The following MRRF variants were observed in gnomAD, a reference collection of about 807,000 sequenced individuals.
MRRF encodes the protein ribosome-recycling factor, mitochondrial.
MRRF carries 18 observed loss-of-function variants against 25.1 expected under a neutral mutation model. That is an observed-to-expected ratio of 0.72 (90% CI 0.50 to 1.06). The LOEUF (loss-of-function observed/expected upper bound fraction) is 1.06, where lower values mean the gene tolerates loss of function less well. MRRF is among the 50% of genes least tolerant of loss of function. MRRF has a pLI of 0.00. For synonymous variants in MRRF, 113 were observed against 112.1 expected, an observed-to-expected ratio of 1.01 and a Z score of -0.05; for missense variants, 323 against 319.3, an observed-to-expected ratio of 1.01 and a Z score of -0.09.
intron 4 of MRRF, among the ~76,000 whole-genome samples, chr9:122,291,396 C>T (rs1291060106): frequency 6.6e-6 from 1 of 152,226 alleles, no homozygotes; most frequent in Non-Finnish European, 1.5e-5. Context: ...AATCTTTCAT[C>T]TGTCTTTACA....
intron 5 of MRRF, among the ~76,000 whole-genome samples, chr9:122,302,198 T>G (rs1394591363): frequency 1.3e-5 from 2 of 152,208 alleles, no homozygotes; most frequent in Non-Finnish European, 2.9e-5. Flanking sequence ...CATTGAAATA[T>G]AATTCACCCA....
chr9:122,309,188 C>G (rs187572793), intron 5 of MRRF, among the ~76,000 whole-genome samples: 1 of 152,138 alleles, frequency 6.6e-6, no homozygotes, highest in East Asian at 1.9e-4. Context: ...GTTTTTTATG[C>G]TAACTGTTTT....
At chr9:122,285,752 G>A (rs1833355344) in intron 4 of MRRF, 1 of 1,255,000 alleles carries the variant, frequency 8.0e-7, no homozygotes, top group Non-Finnish European at 1.0e-6. Context: ...TGTAAATGTT[G>A]ATGACTAATT....
intron 1 of MRRF, among the ~76,000 whole-genome samples, chr9:122,266,353 G>T (rs928301329): frequency 6.6e-5 from 10 of 152,196 alleles, no homozygotes; most frequent in African/African-American, 2.4e-4. Flanking sequence ...GGCCAAGGAA[G>T]CCGTCCTCTG....
At chr9:122,299,607 TAATGAA>T (rs1834315568) in intron 5 of MRRF, among the ~76,000 whole-genome samples, 1 of 151,928 alleles carries the variant, frequency 6.6e-6, no homozygotes, top group Non-Finnish European at 1.5e-5. Flanking sequence ...TAAATATAGA[TAATGAA>T]AAGAAGAGGT....
chr9:122,291,388 T>C (rs1833755629), intron 4 of MRRF, among the ~76,000 whole-genome samples: 1 of 152,244 alleles, frequency 6.6e-6, no homozygotes, highest in East Asian at 1.9e-4. Flanking sequence ...ACGTATGAAA[T>C]CTTTCATCTG....
At chr9:122,303,215 C>G (rs1834583488) in intron 5 of MRRF, among the ~76,000 whole-genome samples, 1 of 151,610 alleles carries the variant, frequency 6.6e-6, no homozygotes, top group Non-Finnish European at 1.5e-5. Flanking sequence ...AGTTGTTCTT[C>G]CCAGAAGTAA....
chr9:122,313,092 C>A, intron 5 of MRRF, 135 bp from the exon 6 acceptor site: 1 of 942,052 alleles, frequency 1.1e-6, no homozygotes, highest in Non-Finnish European at 1.7e-6. Context: ...TTTCCTCCTC[C>A]TGGAAATTCC....
chr9:122,315,047 ACTAGCATTTT>A (rs1835426796), intron 6 of MRRF, among the ~76,000 whole-genome samples: 1 of 151,976 alleles, frequency 6.6e-6, no homozygotes, highest in Admixed American at 6.6e-5. Flanking sequence ...TGCTAGTTTT[ACTAGCATTTT>A]ACTAGTAGGA....
At chr9:122,292,452 A>G (rs1248761376) in intron 5 of MRRF, among the ~76,000 whole-genome samples, 1 of 152,188 alleles carries the variant, frequency 6.6e-6, no homozygotes, top group Non-Finnish European at 1.5e-5. Flanking sequence ...ATATAAATAT[A>G]TAGAACTTAA....
Position 122,322,950 on chromosome 9 carries a change from C to T in MRRF, c.*333C>T, listed in dbSNP as rs957949441. On this transcript the variant is annotated 3_prime_UTR_variant, in exon 7 of 7. Coordinates refer to ENST00000344641, the MANE Select transcript of MRRF (RefSeq NM_138777.5). ...CTCCTCATCTTAGGAGTCTCCTTTT[C>T]AAATAATTAGGCTCTGTTCCCATTT... 2.0e-5 allele frequency: 8 copies of T among 397,766 alleles called. No individual in the cohort carries two copies. Among genetic ancestry groups the T allele is most frequent in the African/African-American group, 1.6e-4 (8 of 49,900 alleles). The allele number at this position is 397,766 out of a possible 1,614,324, so 24.6% of individuals were successfully genotyped here.
rs1836177306 is a variant in MRRF at position 122,327,665 on chromosome 9, T to C, written c.*5048T>C. ...TCTTGCATTTTCTGCTTTATGAAAA[T>C]GGATTCTGCTTTGTGAAAGTACTGC... is the stretch of plus-strand genomic sequence containing the variant. On this transcript the variant is annotated 3_prime_UTR_variant, in exon 7 of 7. Coordinates refer to ENST00000344641, the MANE Select transcript of MRRF (RefSeq NM_138777.5). The C allele has an allele frequency of 6.6e-6, 1 of 152,238 alleles. No homozygotes were observed. The highest frequency in any genetic ancestry group is 1.5e-5 in the Non-Finnish European group (1 of 68,040). 9.4% of individuals were successfully genotyped at this position (152,238 alleles called of 1,614,324 possible).
chr9:122,323,153 G>A lies in MRRF; in HGVS notation c.*536G>A, dbSNP rs1346694585. Reference sequence around the variant, plus strand: ...GTGAGGCACCCATAACAGTAGTTTTGCCTGTGAGTCGTCTTCACACATGCT... The same window carrying A: ...GTGAGGCACCCATAACAGTAGTTTTACCTGTGAGTCGTCTTCACACATGCT... On this transcript the variant is annotated 3_prime_UTR_variant, in exon 7 of 7. Transcript: ENST00000344641. 6.2e-6 allele frequency: 1 copy of A among 161,470 alleles called. No homozygotes were observed. The highest frequency in any genetic ancestry group is 1.4e-5 in the Non-Finnish European group (1 of 72,810). 10.0% of individuals were successfully genotyped at this position (161,470 alleles called of 1,614,324 possible). A position where few individuals can be genotyped will look rare whatever the true frequency, so the allele number is the denominator to read the frequency against.
chr9:122,308,699 CAA>C lies in MRRF; in HGVS notation c.552-4506_552-4505del, dbSNP rs776774424. ...GGGTGACAGAGCAAGACTCCATCTCCAAAAAAAAAAAAAAAAAAAAAAAGATG... is the reference window on the plus strand; with the variant it reads ...GGGTGACAGAGCAAGACTCCATCTCCAAAAAAAAAAAAAAAAAAAAAGATG... On this transcript the variant is annotated intron_variant, in intron 5 of 6. Coordinates refer to ENST00000344641, the MANE Select transcript of MRRF (RefSeq NM_138777.5). Among the ~76,000 whole-genome samples the C allele has an allele frequency of 1.7e-4, 10 of 60,106 alleles. No individual in the cohort carries two copies. The South Asian group carries it at 2.1e-3, about 12-fold the overall frequency. The allele number at this position is 60,106 out of a possible 152,430, so 39.4% of individuals were successfully genotyped here. A position where few individuals can be genotyped will look rare whatever the true frequency, so the allele number is the denominator to read the frequency against.
At chr9:122,288,853 T>A (rs1833573046) in intron 4 of MRRF, among the ~76,000 whole-genome samples, 2 of 152,212 alleles carry the variant, frequency 1.3e-5, no homozygotes, top group African/African-American at 4.8e-5. Context: ...ACATCACTCT[T>A]CTCTGCCTGA....
At chr9:122,280,316 C>G in intron 2 of MRRF, 127 bp from the exon 3 acceptor site, 1 of 1,007,410 alleles carries the variant, frequency 9.9e-7, no homozygotes, top group Non-Finnish European at 1.5e-6. Context: ...TTTAGTGGAG[C>G]GATAATGTTT....
chr9:122,301,502 G>A (rs1485322829), intron 5 of MRRF, among the ~76,000 whole-genome samples: 3 of 152,096 alleles, frequency 2.0e-5, no homozygotes, highest in Non-Finnish European at 1.5e-5. Flanking sequence ...CCTAAAAATG[G>A]GATCATAGAA....
At chr9:122,283,647 G>T (rs1002705132) in intron 3 of MRRF, among the ~76,000 whole-genome samples, 1 of 152,072 alleles carries the variant, frequency 6.6e-6, no homozygotes, top group African/African-American at 2.4e-5. Flanking sequence ...CAGATCTTTG[G>T]GCCACAGTAT....
intron 6 of MRRF, among the ~76,000 whole-genome samples, chr9:122,318,475 T>A (rs1187601439): frequency 6.6e-6 from 1 of 152,156 alleles, no homozygotes; most frequent in Non-Finnish European, 1.5e-5. Context: ...CTAGCAGAGC[T>A]AAAGGAGGGA....
Sources: gnomAD v4.1 joint callset for allele counts (sites outside exome capture counted in the v4.1 genomes callset) on GRCh38, gnomAD v4.1.1 for gene constraint, MANE v1.5 for transcripts, NCBI Gene and HGNC (gene_info 2026-07-23, HGNC 2026-07-21) for gene names.